SPIN3: variants seen among roughly 807,000 people sequenced by gnomAD.
SPIN3 encodes the protein spindlin-3.
For synonymous variants in SPIN3, 74 were observed against 74.3 expected (o/e 1.00, Z 0.02); for missense variants, 176 against 196.4 (o/e 0.90, Z 0.62).
chrX:56,980,369 A>G (rs1924089219), intron 3 of SPIN3: 1 of 111,285 alleles, frequency 9.0e-6, no homozygotes, highest in African/African-American at 3.3e-5. Flanking sequence ...AAAGGTCACA[A>G]AAATAGAGTG....
chrX:56,982,992 C>T (rs1490785977), intron 3 of SPIN3: 1 of 111,421 alleles, frequency 9.0e-6, no homozygotes, highest in Non-Finnish European at 1.9e-5. Context: ...AATAGTTAAG[C>T]TACAAAGGTA....
downstream of SPIN3, among the ~76,000 whole-genome samples, chrX:56,989,437 A>G (rs1169299400): frequency 9.0e-6 from 1 of 111,128 alleles, no homozygotes; most frequent in Non-Finnish European, 1.9e-5. Flanking sequence ...AGCATTCATT[A>G]TTCATTTACC....
chrX:56,988,228 T>C (rs1377034831), downstream of SPIN3, among the ~76,000 whole-genome samples: 2 of 111,604 alleles, frequency 1.8e-5, no homozygotes, highest in Non-Finnish European at 3.8e-5. Flanking sequence ...ATGGGCCTAC[T>C]TGAAAACAGT....
chrX:56,976,531 A>T (rs1924009934), exon 6 of SPIN3: 1 of 112,029 alleles, frequency 8.9e-6, no homozygotes, highest in South Asian at 3.7e-4. Context: ...AACAGAAATC[A>T]TTCTAAAAGT....
rs920127163 is a variant in SPIN3, at chrX:56,991,922, T to C, written c.*2249A>G. 15 of 282,395 alleles carry C rather than the reference T, an allele frequency of 5.3e-5. No individual in the cohort carries two copies. The highest frequency in any genetic ancestry group is 4.1e-4 in the African/African-American group (15 of 36,215). 23.3% of individuals were successfully genotyped at this position (282,395 alleles called of 1,213,427 possible). On this transcript the variant is annotated 3_prime_UTR_variant, in exon 2 of 2. Transcript: ENST00000374919. Reference sequence around the variant, plus strand: ...ATACAATGACTCCCAAAGATAGCATTAAAATACTCCAAATAATACAATATC... The same window carrying C: ...ATACAATGACTCCCAAAGATAGCATCAAAATACTCCAAATAATACAATATC...
chrX:56,989,589 G>A (rs187310833), downstream of SPIN3, among the ~76,000 whole-genome samples: 107 of 111,647 alleles, frequency 9.6e-4, no homozygotes, highest in Non-Finnish European at 1.8e-3. Context: ...GTGAGTGGCA[G>A]GTGGGTAAGC....
In SPIN3 at chrX:56,991,148, A is replaced by C. The variant is rs1250667007; in HGVS notation, c.*3023T>G. ...TAGGCATGTGTTATTTTTCTAAAAA[A>C]CAATTTATATATTAAAACTGTAAAA... On this transcript the variant is annotated 3_prime_UTR_variant, in exon 2 of 2. Coordinates refer to ENST00000374919, the MANE Select transcript of SPIN3 (RefSeq NM_001010862.3). 4 of 112,107 alleles carry C rather than the reference A, an allele frequency of 3.6e-5. No individual in the cohort carries two copies. Among genetic ancestry groups the C allele is most frequent in the Non-Finnish European group, 5.6e-5 (3 of 53,285 alleles). 9.2% of individuals were successfully genotyped at this position (112,107 alleles called of 1,213,427 possible).
chrX:56,994,261 A>T lies in SPIN3; in HGVS notation c.687T>A (p.Ile229=), dbSNP rs1207142754. Residue 229 remains isoleucine, a synonymous_variant, in exon 2 of 2, where the codon ATT becomes ATA. Coordinates refer to ENST00000374919, the MANE Select transcript of SPIN3 (RefSeq NM_001010862.3). ...CAGAGGGTTTTGCTTCTACCTGATG[A>T]ATGACCATGCCAGTTCTCTTGGAGC... The part of the protein sequence containing the change: ...DDGSKRTGMV[I]HQVEAKPSVY... 8.3e-7 allele frequency: 1 copy of T among 1,211,841 alleles called. No homozygotes were observed. The highest frequency in any genetic ancestry group is 2.2e-5 in the Admixed American group (1 of 46,058).
downstream of SPIN3, among the ~76,000 whole-genome samples, chrX:56,987,691 T>A (rs901051172): frequency 7.2e-5 from 8 of 111,872 alleles, no homozygotes; most frequent in African/African-American, 2.6e-4. Flanking sequence ...AACCCTGCTC[T>A]CTTAACTGTC....
Position 56,994,949 on chromosome X carries a change from C to T in SPIN3, c.-2G>A. 8.5e-7 allele frequency: 1 copy of T among 1,179,126 alleles called. No homozygotes were observed. The stretch of plus-strand genomic sequence containing the variant: ...TGCCTTTCCAAACGGGGTCTTCATG[C>T]CTGCGAAGAGGAGCACAGTTGCCAG... On this transcript the variant is annotated splice_region_variant and 5_prime_UTR_variant, in exon 2 of 2. Transcript: ENST00000374919.
At chrX:56,985,770 T>C (rs1924211009) in intron 2 of SPIN3, among the ~76,000 whole-genome samples, 1 of 111,994 alleles carries the variant, frequency 8.9e-6, no homozygotes, top group African/African-American at 3.2e-5. Flanking sequence ...CTCTTATGTC[T>C]TTCTCCTTCA....
rs1569325558 is a variant in SPIN3 at position 56,994,378 on chromosome X, T to TTGAAGGATGC, written c.560_569dup (p.Asp191HisfsTer7). 3 of 1,211,701 alleles carry TTGAAGGATGC rather than the reference T, an allele frequency of 2.5e-6. No individual in the cohort carries two copies. The South Asian group carries it at 5.3e-5, about 21-fold the overall frequency. The stretch of plus-strand genomic sequence containing the variant: ...CTGCCAGAGGAGAATCATTGGAATC[T>TTGAAGGATGC]TGAAGGATGCGGAGGTCACCATCTT... On this transcript the variant is annotated frameshift_variant, in exon 2 of 2. Coordinates refer to ENST00000374919, the MANE Select transcript of SPIN3 (RefSeq NM_001010862.3). LOFTEE classifies it high-confidence loss of function.
In SPIN3 at chrX:56,994,215, C is replaced by T; in HGVS notation, c.733G>A (p.Asp245Asn). ...KPSVYFIKFD[D>N]DFHIYVYDLV... ...TCGTAGACATAGATATGGAAATCAT[C>T]ATCAAATTTGATGAAGTACACAGAG... Residue 245 changes from aspartate (D) to asparagine (N), a missense_variant, in exon 2 of 2, where the codon GAT becomes AAT. By Grantham distance (23) the Asp-to-Asn change is conservative (BLOSUM62 1). Transcript: ENST00000374919. The T allele has an allele frequency of 8.3e-7, 1 of 1,207,836 alleles. No individual in the cohort carries two copies.
chrX:56,994,085 T>C lies in SPIN3; in HGVS notation c.*86A>G, dbSNP rs892205235. ...GCAAAACGTGCAAAAAGGGAGAAGA[T>C]GGTTCTTACAAACTGGAAAGCAATC... On this transcript the variant is annotated 3_prime_UTR_variant, in exon 2 of 2. Coordinates refer to ENST00000374919, the MANE Select transcript of SPIN3 (RefSeq NM_001010862.3). 19 of 980,181 alleles carry C rather than the reference T, an allele frequency of 1.9e-5. No individual in the cohort carries two copies. In the Admixed American group the frequency reaches 5.3e-4, roughly 27 times the overall value. The allele number at this position is 980,181 out of a possible 1,213,427, so 80.8% of individuals were successfully genotyped here.
Position 56,994,805 on chromosome X carries a change from T to A in SPIN3, c.143A>T (p.Asn48Ile). 1 of 1,211,763 alleles carries A rather than the reference T, an allele frequency of 8.3e-7. No individual in the cohort carries two copies. Among genetic ancestry groups the A allele is most frequent in the Non-Finnish European group, 1.1e-6 (1 of 895,533 alleles). Residue 48 changes from asparagine to isoleucine, a missense_variant, in exon 2 of 2, where the codon AAC becomes ATC. By Grantham distance (149) the Asn-to-Ile change is moderately radical. Coordinates refer to ENST00000374919, the MANE Select transcript of SPIN3 (RefSeq NM_001010862.3). ...RSRPTSQPRG[N>I]IVGCRIQHGW... Reference sequence around the variant, plus strand: ...GTGCTGAATTCTGCAGCCCACGATGTTCCCCCGAGGCTGGGAGGTGGGTCG... The same window carrying A: ...GTGCTGAATTCTGCAGCCCACGATGATCCCCCGAGGCTGGGAGGTGGGTCG...
chrX:56,985,214 A>T (rs1244347482), intron 2 of SPIN3, among the ~76,000 whole-genome samples: 1 of 112,408 alleles, frequency 8.9e-6, no homozygotes, highest in East Asian at 2.8e-4. Flanking sequence ...CCGTCCTTAA[A>T]ACAGCAGAGA....
At chrX:56,985,172 T>C (rs971569542) in intron 2 of SPIN3, among the ~76,000 whole-genome samples, 2 of 112,314 alleles carry the variant, frequency 1.8e-5, no homozygotes, top group African/African-American at 6.5e-5. Flanking sequence ...CTCTAACTAG[T>C]TTCCCTGCTT....
Position 56,993,223 on chromosome X carries a change from T to C in SPIN3, c.*948A>G, listed in dbSNP as rs1412305379. Reference sequence around the variant, plus strand: ...AGAAATCTGTATCTCAGTTTGATTCTAGGTTTCTCCTCTTTCATTTTGAGG... The same window carrying C: ...AGAAATCTGTATCTCAGTTTGATTCCAGGTTTCTCCTCTTTCATTTTGAGG... On this transcript the variant is annotated 3_prime_UTR_variant, in exon 2 of 2. Coordinates refer to ENST00000374919, the MANE Select transcript of SPIN3 (RefSeq NM_001010862.3). The C allele has an allele frequency of 8.9e-6, 1 of 112,135 alleles. No homozygotes were observed. The highest frequency in any genetic ancestry group is 3.2e-5 in the African/African-American group (1 of 30,831). The allele number at this position is 112,135 out of a possible 1,213,427, so 9.2% of individuals were successfully genotyped here. A position where few individuals can be genotyped will look rare whatever the true frequency, so the allele number is the denominator to read the frequency against.
chrX:56,980,991 C>A (rs1924105665), intron 3 of SPIN3, among the ~76,000 whole-genome samples: 1 of 106,413 alleles, frequency 9.4e-6, no homozygotes. Context: ...TGGTAAGTGC[C>A]AGAAAATGAA....
Sources: gnomAD v4.1 joint callset for allele counts (sites outside exome capture counted in the v4.1 genomes callset) on GRCh38, gnomAD v4.1.1 for gene constraint, MANE v1.5 for transcripts, NCBI Gene and HGNC (gene_info 2026-07-23, HGNC 2026-07-21) for gene names.